SIPA1L3: variants seen among roughly 807,000 people sequenced by gnomAD.
SIPA1L3 encodes the protein signal-induced proliferation-associated 1-like protein 3.
A neutral mutation model predicts 150.1 loss-of-function variants in SIPA1L3; 59 were observed. The observed-to-expected ratio is 0.39, with a 90% CI of 0.32 to 0.49. The LOEUF is 0.49. SIPA1L3 is among the 20% of genes least tolerant of loss of function. The probability of loss-of-function intolerance (pLI) is 0.86; values close to 1 mark genes in which losing one functional copy is unlikely to be tolerated. For synonymous variants in SIPA1L3, 1,070 were observed against 1,077.6 expected (o/e 0.99, Z 0.14); for missense variants, 2,211 against 2,489.5 (o/e 0.89, Z 2.38).
intron 4 of SIPA1L3, among the ~76,000 whole-genome samples, chr19:38,091,344 C>T (rs754379424): frequency 6.6e-6 from 1 of 152,072 alleles, no homozygotes; most frequent in Non-Finnish European, 1.5e-5. Context: ...CAAGATCACA[C>T]CACTGGACTC....
At chr19:37,944,163 A>T (rs1035817593) in intron 1 of SIPA1L3, among the ~76,000 whole-genome samples, 8 of 152,132 alleles carry the variant, frequency 5.3e-5, no homozygotes, top group Non-Finnish European at 1.0e-4. Context: ...CTGTAATCCC[A>T]GCTACTTGGG....
intron 9 of SIPA1L3, among the ~76,000 whole-genome samples, chr19:38,124,121 C>T (rs1457668104): frequency 1.3e-5 from 2 of 151,056 alleles, no homozygotes; most frequent in African/African-American, 4.9e-5. Context: ...ACCTCCCTCC[C>T]GGACGGGGTG....
Position 38,101,122 on chromosome 19 carries a change from A to G in SIPA1L3, c.1925A>G (p.Asn642Ser), listed in dbSNP as rs1199179831. 1.2e-6 allele frequency: 2 copies of G among 1,611,544 alleles called. No individual in the cohort carries two copies. Among genetic ancestry groups the G allele is most frequent in the Non-Finnish European group, 1.7e-6 (2 of 1,179,268 alleles). Residue 642 changes from asparagine (N) to serine (S), a missense_variant, in exon 6 of 22, where the codon AAC becomes AGC. Transcript: ENST00000222345. ...AGQSSEEEMY[N>S]NEEAGPAFEE... is the part of the protein sequence containing the mutation. ...CAGAGCTCCGAGGAGGAGATGTACA[A>G]CAATGAGGAGGCCGGCCCCGCCTTT...
intron 15 of SIPA1L3, among the ~76,000 whole-genome samples, chr19:38,176,902 C>T (rs1234841498): frequency 2.6e-5 from 4 of 151,596 alleles, no homozygotes; most frequent in African/African-American, 7.3e-5. Flanking sequence ...ACCTGGGAGG[C>T]GGAGGTTGCA....
chr19:38,075,451 G>A lies in SIPA1L3; in HGVS notation c.-310-5805G>A, dbSNP rs149497710. Among the ~76,000 whole-genome samples the A allele has an allele frequency of 1.0e-3, 153 of 150,334 alleles. 1 individual carries two copies. The highest frequency in any genetic ancestry group is 6.9e-3 in the East Asian group (35 of 5,062). On this transcript the variant is annotated intron_variant, in intron 2 of 21. Coordinates refer to ENST00000222345, the MANE Select transcript of SIPA1L3 (RefSeq NM_015073.3). ...AGCCTGGGTGACAGAGTGATGCTCC[G>A]TCTCAGAAAAAAAAAGAGATTTGCA...
At chr19:38,118,286 G>A (rs1009094267) in intron 8 of SIPA1L3, among the ~76,000 whole-genome samples, 21 of 152,066 alleles carry the variant, frequency 1.4e-4, no homozygotes, top group Admixed American at 6.5e-4. Context: ...TTACCCAGGC[G>A]TGGTGGTGGG....
At chr19:38,077,204 A>G (rs992797640) in intron 2 of SIPA1L3, among the ~76,000 whole-genome samples, 2 of 152,166 alleles carry the variant, frequency 1.3e-5, no homozygotes, top group Non-Finnish European at 2.9e-5. Flanking sequence ...TAATCCCAGT[A>G]CATTGGGAGG....
chr19:38,183,090 G>C (rs780723477), intron 16 of SIPA1L3: 1 of 241,148 alleles, frequency 4.1e-6, no homozygotes, highest in Non-Finnish European at 7.9e-6. Flanking sequence ...AGGCCGGGGT[G>C]GCTGGAACAG....
rs61729136 is a variant in SIPA1L3, at chr19:38,082,242, G to T, written c.677G>T (p.Arg226Leu). 6.2e-7 allele frequency: 1 copy of T among 1,601,206 alleles called. No homozygotes were observed. Among genetic ancestry groups the T allele is most frequent in the Non-Finnish European group, 8.5e-7 (1 of 1,179,750 alleles). The change falls in exon 3 of 22, where the codon CGC (arginine) becomes CTC (leucine). Residue 226 changes from arginine to leucine, a missense_variant. By Grantham distance (102) the Arg-to-Leu change is moderately radical. This residue lies in a region of SIPA1L3 where 587 missense variants were observed against 534.5 expected (regional missense o/e 1.10). Transcript: ENST00000222345. Reference sequence around the variant, plus strand: ...TTCTTCGACATCCTGAACGAGTTCCGCAGCGAGCAGCCCGACGCCCGAGGG... The same window carrying T: ...TTCTTCGACATCCTGAACGAGTTCCTCAGCGAGCAGCCCGACGCCCGAGGG... Reference protein sequence around the residue: ...QSFFDILNEFRSEQPDARGCQ... With the variant: ...QSFFDILNEFLSEQPDARGCQ...
rs144461586 is a variant in SIPA1L3, at chr19:38,103,304, C to T, written c.2029+2078C>T. On this transcript the variant is annotated intron_variant, in intron 6 of 21. Transcript: ENST00000222345. ...CGTATTTGTTGCAGCAGTCTCTGTG[C>T]TTATCATGTGTATGTGTACATAAAT... Among the ~76,000 whole-genome samples, 52 of 152,144 alleles carry T rather than the reference C, an allele frequency of 3.4e-4. 1 individual carries two copies. The highest frequency in any genetic ancestry group is 1.2e-3 in the Admixed American group (18 of 15,258).
At position 37,962,146 on chromosome 19, in the gene SIPA1L3, C is replaced by CT. The variant is rs369762947; in HGVS notation, c.-379+54803dup. On this transcript the variant is annotated intron_variant, in intron 1 of 21. Transcript: ENST00000222345. Reference sequence around the variant, plus strand: ...TGTGTCTCACAATTTTTCTTTCATTCTTTTTTTTTTTTTTTGAGACAGAGT... The same window carrying CT: ...TGTGTCTCACAATTTTTCTTTCATTCTTTTTTTTTTTTTTTTGAGACAGAGT... Among the ~76,000 whole-genome samples the CT allele has an allele frequency of 1.5e-3, 211 of 142,236 alleles. 1 individual carries two copies. Among genetic ancestry groups the CT allele is most frequent in the Admixed American group, 2.4e-3 (34 of 14,322 alleles). 93.3% of individuals were successfully genotyped at this position (142,236 alleles called of 152,430 possible). A position where few individuals can be genotyped will look rare whatever the true frequency, so the allele number is the denominator to read the frequency against.
intron 13 of SIPA1L3, among the ~76,000 whole-genome samples, chr19:38,159,968 C>T (rs1386909269): frequency 6.6e-6 from 1 of 152,124 alleles, no homozygotes; most frequent in South Asian, 2.1e-4. Context: ...TAAATGCCCT[C>T]CACTGGGGTT....
chr19:37,945,926 G>C (rs1021603750), intron 1 of SIPA1L3, among the ~76,000 whole-genome samples: 5 of 151,926 alleles, frequency 3.3e-5, no homozygotes, highest in Non-Finnish European at 5.9e-5. Flanking sequence ...AGGCCAAGGC[G>C]GGAGGATCAC....
At chr19:38,127,798 T>C (rs1273145573) in intron 9 of SIPA1L3, among the ~76,000 whole-genome samples, 1 of 152,156 alleles carries the variant, frequency 6.6e-6, no homozygotes, top group Non-Finnish European at 1.5e-5. Context: ...TGTGAGGCAC[T>C]GCACTCAGCC....
chr19:38,202,978 C>T (rs1267164981), intron 20 of SIPA1L3, among the ~76,000 whole-genome samples: 5 of 152,244 alleles, frequency 3.3e-5, no homozygotes, highest in Admixed American at 3.3e-4. Flanking sequence ...GTAAATGGCA[C>T]ATTCTGCCTG....
intron 2 of SIPA1L3, among the ~76,000 whole-genome samples, chr19:38,064,653 C>T (rs143639970): frequency 6.6e-6 from 1 of 152,082 alleles, no homozygotes; most frequent in Non-Finnish European, 1.5e-5. Flanking sequence ...GAGCCAAGAT[C>T]GCGCCACTGC....
intron 1 of SIPA1L3, among the ~76,000 whole-genome samples, chr19:37,993,903 A>AT (rs987600482): frequency 6.0e-5 from 9 of 151,168 alleles, no homozygotes; most frequent in East Asian, 1.9e-4. Context: ...TTATTTTATT[A>AT]TTTTTTTTTA....
chr19:38,178,430 G>A (rs990278312), intron 15 of SIPA1L3, among the ~76,000 whole-genome samples: 10 of 151,690 alleles, frequency 6.6e-5, no homozygotes, highest in Non-Finnish European at 1.0e-4. Flanking sequence ...CACCATGCCC[G>A]GCCTTGTGCA....
intron 1 of SIPA1L3, among the ~76,000 whole-genome samples, chr19:37,987,238 T>C (rs954365704): frequency 1.3e-5 from 2 of 152,086 alleles, no homozygotes; most frequent in East Asian, 3.9e-4. Flanking sequence ...ACATCTGCTT[T>C]TTCAGTGAGC....
Sources: allele counts gnomAD v4.1 joint callset (sites outside exome capture counted in the v4.1 genomes callset), GRCh38; gene constraint gnomAD v4.1.1; regional missense constraint gnomAD v4.1.1; transcripts MANE v1.5; gene names NCBI Gene and HGNC (gene_info 2026-07-23, HGNC 2026-07-21).